PCDHA7: variants seen among roughly 807,000 people sequenced by gnomAD.
PCDHA7 encodes protocadherin alpha 7.
Under a neutral mutation model 57.2 loss-of-function variants are expected in PCDHA7, and 37 were observed. The observed-to-expected ratio is 0.65, with a 90% CI of 0.50 to 0.85. PCDHA7 has a LOEUF of 0.85. PCDHA7 is among the 40% of genes least tolerant of loss of function. The probability of loss-of-function intolerance (pLI) is 0.00; values close to 1 mark genes in which losing one functional copy is unlikely to be tolerated. For missense variants in PCDHA7, 1,188 were observed against 1,241.8 expected, an observed-to-expected ratio of 0.96 and a Z score of 0.65; for synonymous variants, 553 against 558.8, an observed-to-expected ratio of 0.99 and a Z score of 0.15.
At chr5:140,933,663 C>G (rs1340033934) in intron 1 of PCDHA7, among the ~76,000 whole-genome samples, 4 of 152,128 alleles carry the variant, frequency 2.6e-5, no homozygotes, top group African/African-American at 7.2e-5. Context: ...GTCTCTCTCT[C>G]TGTCTCTCTC....
At chr5:140,972,334 A>G (rs2153793460) in intron 1 of PCDHA7, among the ~76,000 whole-genome samples, 1 of 151,024 alleles carries the variant, frequency 6.6e-6, no homozygotes, top group Admixed American at 6.6e-5. Flanking sequence ...TTTTTGGAAG[A>G]GATGGGGGTC....
chr5:140,906,050 G>T (rs560570961), intron 1 of PCDHA7, among the ~76,000 whole-genome samples: 2 of 152,268 alleles, frequency 1.3e-5, no homozygotes, highest in African/African-American at 4.8e-5. Flanking sequence ...TATTCTGGCT[G>T]CACTGGCAGC....
chr5:140,994,249 G>A (rs17119346), intron 3 of PCDHA7, among the ~76,000 whole-genome samples: 45,238 of 152,008 alleles, frequency 0.3, 6,962 homozygotes, highest in East Asian at 0.43. Flanking sequence ...CAAACCCTAG[G>A]TAAATAAGGT....
At chr5:141,008,431 C>T (rs1192058423) in intron 3 of PCDHA7, among the ~76,000 whole-genome samples, 1 of 152,140 alleles carries the variant, frequency 6.6e-6, no homozygotes, top group Non-Finnish European at 1.5e-5. Flanking sequence ...GATCACTTTG[C>T]CCAGACAGAC....
At chr5:140,876,843 G>A (rs1554169011) in intron 1 of PCDHA7, 3 of 1,614,128 alleles carry the variant, frequency 1.9e-6, no homozygotes, top group East Asian at 2.2e-5. Flanking sequence ...CGTTCGCGCA[G>A]CCCGAGTACA....
chr5:140,852,107 A>T, intron 1 of PCDHA7: 1 of 907,274 alleles, frequency 1.1e-6, no homozygotes, highest in East Asian at 1.2e-4. Context: ...ATATTTTACA[A>T]GGTATGACCT....
chr5:140,902,976 G>T (rs2069915302), intron 1 of PCDHA7, among the ~76,000 whole-genome samples: 1 of 152,140 alleles, frequency 6.6e-6, no homozygotes, highest in African/African-American at 2.4e-5. Flanking sequence ...GGGCATTTAG[G>T]TTGGTTCCAT....
intron 1 of PCDHA7, chr5:140,875,198 G>A: frequency 7.2e-6 from 4 of 552,228 alleles, no homozygotes; most frequent in Non-Finnish European, 1.1e-5. Flanking sequence ...GACCCAGGAA[G>A]TGGCTAAACC....
At chr5:140,935,638 T>G (rs1452378093) in intron 1 of PCDHA7, among the ~76,000 whole-genome samples, 2 of 152,214 alleles carry the variant, frequency 1.3e-5, no homozygotes, top group Admixed American at 6.5e-5. Context: ...TAGGGCTTGC[T>G]TTTTAAATTT....
chr5:140,967,460 G>C, intron 1 of PCDHA7: 1 of 1,613,538 alleles, frequency 6.2e-7, no homozygotes, highest in African/African-American at 1.3e-5. Context: ...AGCCGTGGAT[G>C]GGGGCATCCC....
intron 1 of PCDHA7, among the ~76,000 whole-genome samples, chr5:140,895,632 A>T (rs2065081182): frequency 6.6e-6 from 1 of 152,052 alleles, no homozygotes; most frequent in South Asian, 2.1e-4. Context: ...GTCTTTTCAC[A>T]TTCTTTTTTA....
Position 140,979,011 on chromosome 5 carries a change from T to C in PCDHA7, c.2414+4T>C. On this transcript the variant is annotated splice_donor_region_variant and intron_variant, in intron 2 of 3. Coordinates refer to ENST00000525929, the MANE Select transcript of PCDHA7 (RefSeq NM_018910.3). ...CCCTGAGAGCAGGCATGCACAGGTA[T>C]GTATTTCCCTCCTCATTCACTCAGA... The C allele has an allele frequency of 6.2e-7, 1 of 1,613,950 alleles. No homozygotes were observed. The highest frequency in any genetic ancestry group is 8.5e-7 in the Non-Finnish European group (1 of 1,179,938).
At chr5:140,950,791 A>T (rs2153690738) in intron 1 of PCDHA7, among the ~76,000 whole-genome samples, 1 of 152,142 alleles carries the variant, frequency 6.6e-6, no homozygotes, top group East Asian at 1.9e-4. Flanking sequence ...CTTTTTAAAT[A>T]TTGTCTGGTT....
intron 3 of PCDHA7, among the ~76,000 whole-genome samples, chr5:140,986,050 T>G (rs1221001446): frequency 6.6e-6 from 1 of 152,226 alleles, no homozygotes; most frequent in Non-Finnish European, 1.5e-5. Flanking sequence ...CACTGATGAA[T>G]TCTTTTGCTT....
intron 1 of PCDHA7, among the ~76,000 whole-genome samples, chr5:140,956,457 G>T (rs1197742299): frequency 2.0e-5 from 3 of 152,184 alleles, no homozygotes; most frequent in African/African-American, 7.2e-5. Flanking sequence ...TACATTTATT[G>T]ATTTGCATAT....
intron 1 of PCDHA7, chr5:140,967,700 G>T: frequency 6.2e-7 from 1 of 1,614,196 alleles, no homozygotes; most frequent in Non-Finnish European, 8.5e-7. Context: ...CAGCATAGAT[G>T]CCAGTACCGG....
chr5:140,938,180 A>G (rs913967767), intron 1 of PCDHA7, among the ~76,000 whole-genome samples: 2 of 152,166 alleles, frequency 1.3e-5, no homozygotes, highest in Non-Finnish European at 2.9e-5. Flanking sequence ...TCCTGGGCTC[A>G]AGCAATCCTC....
At chr5:140,863,723 G>A (rs1013591731) in intron 1 of PCDHA7, 3 of 271,432 alleles carry the variant, frequency 1.1e-5, no homozygotes, top group African/African-American at 4.4e-5. Context: ...GGCCGGGTGC[G>A]GTAGCTCATG....
At chr5:140,960,267 C>T (rs1182915204) in intron 1 of PCDHA7, among the ~76,000 whole-genome samples, 3 of 152,266 alleles carry the variant, frequency 2.0e-5, no homozygotes, top group South Asian at 2.1e-4. Flanking sequence ...CTGATAAATT[C>T]CGTCACCTTT....
Sources: gnomAD v4.1 joint callset for allele counts (sites outside exome capture counted in the v4.1 genomes callset) on GRCh38, gnomAD v4.1.1 for gene constraint, MANE v1.5 for transcripts, NCBI Gene and HGNC (gene_info 2026-07-23, HGNC 2026-07-21) for gene names.